NEBL: variants seen among roughly 807,000 people sequenced by gnomAD.
NEBL encodes the protein nebulette.
NEBL carries 122 observed loss-of-function variants against 140.2 expected under a neutral mutation model. The ratio of observed to expected loss-of-function variants is 0.87; its 90% CI spans 0.75 to 1.01. The LOEUF (loss-of-function observed/expected upper bound fraction) is 1.01, where lower values mean the gene tolerates loss of function less well. Among genes scored for constraint, NEBL ranks in the 50% least tolerant of loss-of-function variants. The probability of loss-of-function intolerance (pLI) is 0.00; values close to 1 mark genes in which losing one functional copy is unlikely to be tolerated. For missense variants in NEBL, 1,365 were observed against 1,231.3 expected, an observed-to-expected ratio of 1.11 and a Z score of -1.62; for synonymous variants, 436 against 398.9, an observed-to-expected ratio of 1.09 and a Z score of -1.11.
chr10:20,860,434 T>A (rs973297142), intron 7 of NEBL, among the ~76,000 whole-genome samples: 5 of 151,984 alleles, frequency 3.3e-5, no homozygotes, highest in African/African-American at 4.8e-5. Flanking sequence ...TGTCTCCTTT[T>A]AAAGCACTCT....
At chr10:20,789,929 ATATGTGTATATATATATGTGTGTG>A (rs1835798036) in intron 26 of NEBL, among the ~76,000 whole-genome samples, 1 of 149,820 alleles carries the variant, frequency 6.7e-6, no homozygotes, top group African/African-American at 2.5e-5. Flanking sequence ...ATGTGTGTGT[ATATGTGTATATATATATGTGTGTG>A]TATATATATA....
chr10:21,233,795 A>G (rs1485662582), intron 3 of NEBL, among the ~76,000 whole-genome samples: 2 of 142,652 alleles, frequency 1.4e-5, no homozygotes, highest in Non-Finnish European at 3.0e-5. Flanking sequence ...ATGCATATAT[A>G]TTACATATAT....
At chr10:21,291,419 T>G (rs953510906) in intron 1 of NEBL, among the ~76,000 whole-genome samples, 1 of 150,314 alleles carries the variant, frequency 6.7e-6, no homozygotes, top group Non-Finnish European at 1.5e-5. Context: ...GGCAGGAGAA[T>G]TGCTTGAACC....
chr10:20,847,057 T>G (rs560266386), intron 11 of NEBL, among the ~76,000 whole-genome samples: 9 of 152,096 alleles, frequency 5.9e-5, no homozygotes, highest in African/African-American at 2.2e-4. Context: ...ATACTTAAGT[T>G]TACCTGTAAG....
At chr10:21,198,612 C>T (rs1387029738) in intron 3 of NEBL, among the ~76,000 whole-genome samples, 1 of 152,194 alleles carries the variant, frequency 6.6e-6, no homozygotes, top group East Asian at 1.9e-4. Context: ...AATCCCTTGG[C>T]CATTCTTATT....
At chr10:20,886,251 A>G (rs1846508046) in intron 4 of NEBL, among the ~76,000 whole-genome samples, 1 of 152,070 alleles carries the variant, frequency 6.6e-6, no homozygotes, top group Admixed American at 6.6e-5. Flanking sequence ...GGTAGGGCGC[A>G]ATGGCTCACA....
intron 2 of NEBL, among the ~76,000 whole-genome samples, chr10:21,132,409 C>G (rs937242282): frequency 6.6e-6 from 1 of 152,100 alleles, no homozygotes; most frequent in South Asian, 2.1e-4. Context: ...TGGGTTGTTT[C>G]CACTTTTTAG....
chr10:21,206,876 A>G (rs745596873), intron 3 of NEBL, among the ~76,000 whole-genome samples: 1 of 152,126 alleles, frequency 6.6e-6, no homozygotes, highest in South Asian at 2.1e-4. Context: ...AGAAAAAAAC[A>G]TAACTAAGTA....
At chr10:20,960,867 C>T (rs183397710) in intron 4 of NEBL, among the ~76,000 whole-genome samples, 6 of 152,166 alleles carry the variant, frequency 3.9e-5, no homozygotes, top group Non-Finnish European at 7.4e-5. Flanking sequence ...TTATAAGTGA[C>T]GCACAAAATA....
At chr10:20,864,943 T>C (rs1347979714) in intron 7 of NEBL, among the ~76,000 whole-genome samples, 1 of 152,172 alleles carries the variant, frequency 6.6e-6, no homozygotes, top group African/African-American at 2.4e-5. Context: ...ATAGCTATAA[T>C]GTAAGTTAAA....
At chr10:21,029,267 T>C in intron 2 of NEBL, 2 of 1,591,476 alleles carry the variant, frequency 1.3e-6, no homozygotes, top group Non-Finnish European at 1.7e-6. Context: ...TGGAGCTTTC[T>C]TCCCAAATCG....
chr10:21,133,219 T>C (rs1839196921), intron 2 of NEBL, among the ~76,000 whole-genome samples: 1 of 152,200 alleles, frequency 6.6e-6, no homozygotes, highest in Non-Finnish European at 1.5e-5. Context: ...TTCTTGAAGC[T>C]GCAGCCCTCA....
chr10:20,826,436 A>G lies in NEBL; in HGVS notation c.1869+11T>C, dbSNP rs751672273. The stretch of plus-strand genomic sequence containing the variant: ...TTTTAGAAAAGATAATTAATGCTGT[A>G]GAGAACTTACTGAACTAATATTCTG... On this transcript the variant is annotated intron_variant, in intron 18 of 27. Coordinates refer to ENST00000377122, the MANE Select transcript of NEBL (RefSeq NM_006393.3). 17 of 1,592,622 alleles carry G rather than the reference A, an allele frequency of 1.1e-5. No homozygotes were observed. Among genetic ancestry groups the G allele is most frequent in the Non-Finnish European group, 1.3e-5 (15 of 1,160,926 alleles).
chr10:21,177,826 C>G (rs144688656), upstream of NEBL, among the ~76,000 whole-genome samples: 1 of 152,186 alleles, frequency 6.6e-6, no homozygotes, highest in Non-Finnish European at 1.5e-5. Flanking sequence ...CCGTGCCCAG[C>G]CTACAGTCTT....
At chr10:21,048,476 T>C (rs911897154) in intron 2 of NEBL, among the ~76,000 whole-genome samples, 1 of 133,938 alleles carries the variant, frequency 7.5e-6, no homozygotes, top group African/African-American at 2.7e-5. Flanking sequence ...AAAACCTAAG[T>C]AACAGAAGAG....
intron 1 of NEBL, among the ~76,000 whole-genome samples, chr10:21,286,227 A>AT (rs1316467208): frequency 6.6e-6 from 1 of 152,198 alleles, no homozygotes; most frequent in East Asian, 1.9e-4. Context: ...TGGGAGCAGC[A>AT]TATTTGGTTT....
At chr10:21,067,163 G>C (rs1835601894) in intron 2 of NEBL, among the ~76,000 whole-genome samples, 1 of 151,752 alleles carries the variant, frequency 6.6e-6, no homozygotes, top group Admixed American at 6.6e-5. Context: ...AGTAGAGATG[G>C]GGTTTCACCG....
At chr10:20,835,410 G>A (rs2130933354) in intron 14 of NEBL, 103 bp downstream of exon 14, 3 of 896,172 alleles carry the variant, frequency 3.3e-6, no homozygotes, top group Non-Finnish European at 3.7e-6. Flanking sequence ...TGTTAAACCA[G>A]CTGCAATGCT....
chr10:21,045,131 TA>T (rs1564491444), intron 2 of NEBL, among the ~76,000 whole-genome samples: 1 of 152,232 alleles, frequency 6.6e-6, no homozygotes, highest in African/African-American at 2.4e-5. Context: ...ACTGTATCTT[TA>T]AAATTGCTGT....
Sources: allele counts gnomAD v4.1 joint callset (sites outside exome capture counted in the v4.1 genomes callset), GRCh38; gene constraint gnomAD v4.1.1; transcripts MANE v1.5; gene names NCBI Gene and HGNC (gene_info 2026-07-23, HGNC 2026-07-21).